Variants in CRHBP observed in about 807,000 individuals in gnomAD.
CRHBP encodes the protein corticotropin releasing hormone binding protein.
In CRHBP, 19 loss-of-function variants were observed where a neutral mutation model predicts 34.9. That is an observed-to-expected ratio of 0.55 (90% CI 0.38 to 0.80). The LOEUF (loss-of-function observed/expected upper bound fraction) is 0.80. Among genes scored for constraint, CRHBP ranks in the 30% least tolerant of loss-of-function variants. The pLI is 0.00. For missense variants in CRHBP, 328 were observed against 409.2 expected (o/e 0.80, Z 1.71); for synonymous variants, 154 against 153.4 (o/e 1.00, Z -0.03).
downstream of CRHBP, among the ~76,000 whole-genome samples, chr5:76,971,409 T>C (rs1745942570): frequency 6.6e-6 from 1 of 152,236 alleles, no homozygotes; most frequent in South Asian, 2.1e-4. Context: ...TTTTTCTCTC[T>C]TCTAAGCAAA....
At chr5:76,956,780 G>T (rs1450276254) in intron 4 of CRHBP, among the ~76,000 whole-genome samples, 2 of 151,702 alleles carry the variant, frequency 1.3e-5, no homozygotes, top group South Asian at 4.2e-4. Flanking sequence ...CCCATTAAGA[G>T]AAAAATCTGT....
intron 5 of CRHBP, among the ~76,000 whole-genome samples, chr5:76,960,756 T>C (rs1348450936): frequency 1.5e-5 from 2 of 136,402 alleles, no homozygotes; most frequent in Non-Finnish European, 3.1e-5. Flanking sequence ...GTACTTTTTA[T>C]TGTTTTTTGT....
chr5:76,968,591 G>C lies in CRHBP; in HGVS notation c.812-137G>C, dbSNP rs1256541305. The C allele has an allele frequency of 4.4e-6, 3 of 689,090 alleles. No individual in the cohort carries two copies. The Admixed American group carries it at 1.0e-4, about 23-fold the overall frequency. The allele number at this position is 689,090 out of a possible 1,614,324, so 42.7% of individuals were successfully genotyped here. ...TGAAACAAAAACATTTCAACTGATA[G>C]TAGATGCATGGTTTGGGTACATGAG... On this transcript the variant is annotated intron_variant, in intron 6 of 6. Transcript: ENST00000274368.
At chr5:76,975,347 CAT>C (rs1746009203) in intron 2 of CRHBP, among the ~76,000 whole-genome samples, 1 of 152,120 alleles carries the variant, frequency 6.6e-6, no homozygotes, top group Admixed American at 6.5e-5. Context: ...TCATTAGTAA[CAT>C]ATTACTTTAA....
Position 76,954,169 on chromosome 5 carries a change from G to A in CRHBP, c.316G>A (p.Gly106Ser). 1 of 1,613,362 alleles carries A rather than the reference G, an allele frequency of 6.2e-7. No individual in the cohort carries two copies. Among genetic ancestry groups the A allele is most frequent in the Non-Finnish European group, 8.5e-7 (1 of 1,179,716 alleles). Reference protein sequence around the residue: ...HYDQVSIDCQGGDFLKVFDGW... With the variant: ...HYDQVSIDCQSGDFLKVFDGW... ...CGACCAGGTCTCCATCGACTGTCAG[G>A]GCGGCGACTTCCTGAAGGTGAGGCG... The change falls in exon 3 of 7, where the codon GGC becomes AGC. Residue 106 changes from glycine (G) to serine (S), a missense_variant. Gly to Ser is a moderately conservative substitution (Grantham distance 56). Transcript: ENST00000274368.
At chr5:76,956,108 A>G (rs1489682320) in intron 4 of CRHBP, among the ~76,000 whole-genome samples, 1 of 152,194 alleles carries the variant, frequency 6.6e-6, no homozygotes. Context: ...TCTTTTCTCC[A>G]AAGTCTTGCT....
chr5:76,953,083 A>G lies in CRHBP; in HGVS notation c.-52A>G, dbSNP rs1745594374. On this transcript the variant is annotated 5_prime_UTR_variant, in exon 1 of 7. Coordinates refer to ENST00000274368, the MANE Select transcript of CRHBP (RefSeq NM_001882.4). ...CAGTCTGCGCGAGGGTGTAGGAAGG[A>G]AAGCCCAGGACCTCCGGAGCAGAGC... The G allele has an allele frequency of 2.5e-6, 4 of 1,588,572 alleles. No homozygotes were observed. The Middle Eastern group carries it at 5.0e-4, about 199-fold the overall frequency.
intron 5 of CRHBP, among the ~76,000 whole-genome samples, chr5:76,962,277 C>T (rs1202676036): frequency 1.3e-5 from 2 of 151,840 alleles, no homozygotes; most frequent in African/African-American, 2.4e-5. Context: ...ATGTGGGAGC[C>T]CTTATTACAA....
downstream of CRHBP, among the ~76,000 whole-genome samples, chr5:76,970,766 A>T (rs959307044): frequency 1.3e-5 from 2 of 152,164 alleles, no homozygotes; most frequent in Admixed American, 1.3e-4. Context: ...ACACTTTTCT[A>T]TTACATCTCA....
intron 6 of CRHBP, 136 bp from the exon 7 acceptor site, chr5:76,968,592 T>A (rs1198108722): frequency 2.9e-6 from 2 of 692,478 alleles, no homozygotes; most frequent in Non-Finnish European, 4.7e-6. Flanking sequence ...CAACTGATAG[T>A]AGATGCATGG....
intron 4 of CRHBP, 56 bp downstream of exon 4, chr5:76,955,919 T>A: frequency 6.7e-7 from 1 of 1,492,336 alleles, no homozygotes; most frequent in East Asian, 2.3e-5. Context: ...TTTTTGAAAG[T>A]AGTATCATTG....
chr5:76,975,825 A>AAAAAAAAAAATATATATATATAT, intron 2 of CRHBP, among the ~76,000 whole-genome samples: 1 of 61,856 alleles, frequency 1.6e-5, no homozygotes, highest in Non-Finnish European at 2.7e-5. Context: ...AAAAAAAAAA[A>AAAAAAAAAAATATATATATATAT]ATATATATAT....
intron 3 of CRHBP, among the ~76,000 whole-genome samples, chr5:76,978,451 A>T (rs1746072649): frequency 6.6e-6 from 1 of 152,230 alleles, no homozygotes; most frequent in Non-Finnish European, 1.5e-5. Flanking sequence ...TGGGCTCTAA[A>T]GGAACAACAA....
At chr5:76,969,541 T>A (rs1341669020), downstream of CRHBP, 1 of 152,542 alleles carries the variant, frequency 6.6e-6, no homozygotes, top group South Asian at 2.1e-4. Flanking sequence ...AATGTTATCA[T>A]GTGGTGCAGA....
chr5:76,969,116 TG>T lies in CRHBP; in HGVS notation c.*233del. On this transcript the variant is annotated 3_prime_UTR_variant, in exon 7 of 7. Coordinates refer to ENST00000274368, the MANE Select transcript of CRHBP (RefSeq NM_001882.4). The stretch of plus-strand genomic sequence containing the variant: ...CACATGGCAGAAAATAACCCCTGAT[TG>T]GTAGGATCATAGTTCTAAATGGAAA... The T allele has an allele frequency of 2.4e-6, 1 of 418,928 alleles. No homozygotes were observed. The allele number at this position is 418,928 out of a possible 1,614,324, so 26.0% of individuals were successfully genotyped here. A position where few individuals can be genotyped will look rare whatever the true frequency, so the allele number is the denominator to read the frequency against.
Position 76,953,993 on chromosome 5 carries a change from G to A in CRHBP, c.176-36G>A, listed in dbSNP as rs1431712443. 6 of 1,586,188 alleles carry A rather than the reference G, an allele frequency of 3.8e-6. No homozygotes were observed. In the African/African-American group the frequency reaches 8.1e-5, roughly 21 times the overall value. ...CGAGGACGGCGCTGCGGCGGCTGCAGCCCGGGACTTATTGCCCCATGCCCT... is the reference window on the plus strand; with the variant it reads ...CGAGGACGGCGCTGCGGCGGCTGCAACCCGGGACTTATTGCCCCATGCCCT... On this transcript the variant is annotated intron_variant, in intron 2 of 6. Transcript: ENST00000274368.
chr5:76,955,120 C>G (rs1274150171), intron 3 of CRHBP, among the ~76,000 whole-genome samples: 1 of 152,110 alleles, frequency 6.6e-6, no homozygotes, highest in Non-Finnish European at 1.5e-5. Context: ...GCTGTTGAAG[C>G]AGTTCTTGAC....
chr5:76,955,864 G>GT lies in CRHBP; in HGVS notation c.544+2dup. 1 of 1,613,122 alleles carries GT rather than the reference G, an allele frequency of 6.2e-7. No individual in the cohort carries two copies. Reference sequence around the variant, plus strand: ...ATAAAGACAGACCCCAACCTCTTTCGTAAGTGTTCTCAGTCAAAAGGCAGA... The same window carrying GT: ...ATAAAGACAGACCCCAACCTCTTTCGTTAAGTGTTCTCAGTCAAAAGGCAGA... On this transcript the variant is annotated splice_donor_variant, in intron 4 of 6. Transcript: ENST00000274368. LOFTEE classifies it high-confidence loss of function.
intron 4 of CRHBP, 107 bp downstream of exon 4, chr5:76,955,970 G>A: frequency 1.0e-6 from 1 of 976,594 alleles, no homozygotes; most frequent in South Asian, 1.9e-5. Context: ...TGATTTGAAT[G>A]GAAATTTTTT....
Sources: gnomAD v4.1 joint callset for allele counts (sites outside exome capture counted in the v4.1 genomes callset) on GRCh38, gnomAD v4.1.1 for gene constraint, MANE v1.5 for transcripts, NCBI Gene and HGNC (gene_info 2026-07-23, HGNC 2026-07-21) for gene names.